ELP4: variants seen among roughly 807,000 people sequenced by gnomAD.
The protein encoded by ELP4 is elongator complex protein 4.
In ELP4, 51 loss-of-function variants were observed where a neutral mutation model predicts 48.9. The observed-to-expected ratio is 1.04, with a 90% confidence interval of 0.83 to 1.32. ELP4 has a LOEUF of 1.32. Among genes scored for constraint, ELP4 ranks in the 40% most tolerant of loss-of-function variants. The pLI, the probability that ELP4 is intolerant of heterozygous loss-of-function variation, is 0.00. For synonymous variants in ELP4, 210 were observed against 189.2 expected (o/e 1.11, Z -0.90); for missense variants, 519 against 514.6 (o/e 1.01, Z -0.08).
At chr11:31,719,063 A>T (rs1323362363) in intron 9 of ELP4, among the ~76,000 whole-genome samples, 1 of 152,116 alleles carries the variant, frequency 6.6e-6, no homozygotes, top group Non-Finnish European at 1.5e-5. Context: ...GTTTGAGACC[A>T]GCCTGGGCAA....
At chr11:31,530,251 C>A (rs1956371376) in intron 2 of ELP4, among the ~76,000 whole-genome samples, 2 of 152,130 alleles carry the variant, frequency 1.3e-5, no homozygotes, top group African/African-American at 4.8e-5. Flanking sequence ...ATGGAAGCAG[C>A]TCCGGATATC....
At chr11:31,729,681 C>T (rs1208162353) in intron 9 of ELP4, among the ~76,000 whole-genome samples, 3 of 152,122 alleles carry the variant, frequency 2.0e-5, no homozygotes, top group Non-Finnish European at 2.9e-5. Context: ...AACTGATTGC[C>T]ATCTTTATAC....
At chr11:31,545,850 A>G (rs539670881) in intron 3 of ELP4, among the ~76,000 whole-genome samples, 6 of 152,304 alleles carry the variant, frequency 3.9e-5, no homozygotes, top group African/African-American at 1.2e-4. Flanking sequence ...AAAGAAAAGA[A>G]TATTCAACCC....
chr11:31,612,705 ATAAG>A (rs1958004345), intron 5 of ELP4, among the ~76,000 whole-genome samples: 1 of 152,170 alleles, frequency 6.6e-6, no homozygotes, highest in African/African-American at 2.4e-5. Context: ...AGCTACTAAA[ATAAG>A]TAATATTGGG....
chr11:31,544,662 G>A (rs918736697), intron 3 of ELP4, among the ~76,000 whole-genome samples: 45 of 152,304 alleles, frequency 3.0e-4, no homozygotes, highest in Non-Finnish European at 4.7e-4. Context: ...TTCTCCCAGC[G>A]CGCAGCTGGA....
At chr11:31,656,479 A>G (rs1202162455) in intron 9 of ELP4, among the ~76,000 whole-genome samples, 1 of 152,058 alleles carries the variant, frequency 6.6e-6, no homozygotes, top group Non-Finnish European at 1.5e-5. Flanking sequence ...CAAATGAATC[A>G]TCTTTCTTTG....
At chr11:31,565,411 C>T (rs9705326) in intron 3 of ELP4, among the ~76,000 whole-genome samples, 85,434 of 138,894 alleles carry the variant, frequency 0.62, 27,782 homozygotes, top group African/African-American at 0.86. Flanking sequence ...GCTTTTGTTG[C>T]CATTGCTTTT....
In ELP4 at chr11:31,533,368, C is replaced by CTTTTTTTT. The variant is rs71060492; in HGVS notation, c.260-6274_260-6267dup. Among the ~76,000 whole-genome samples the CTTTTTTTT allele has an allele frequency of 9.5e-4, 48 of 50,474 alleles. 5 individuals carry two copies. Among genetic ancestry groups the CTTTTTTTT allele is most frequent in the African/African-American group, 2.0e-3 (24 of 11,898 alleles). The allele number at this position is 50,474 out of a possible 152,430, so 33.1% of individuals were successfully genotyped here. ...GTGTTGCTGCAAAAGCCATCTCATTCTTTTTTTTTTTTTTTTTTTTTTTTT... is the reference window on the plus strand; with the variant it reads ...GTGTTGCTGCAAAAGCCATCTCATTCTTTTTTTTTTTTTTTTTTTTTTTTTTTTTTTTT... On this transcript the variant is annotated intron_variant, in intron 2 of 9. Transcript: ENST00000640961.
At chr11:31,780,316 C>T (rs565219793) in intron 9 of ELP4, among the ~76,000 whole-genome samples, 2 of 152,128 alleles carry the variant, frequency 1.3e-5, no homozygotes, top group South Asian at 2.1e-4. Flanking sequence ...CGTTCTTCCT[C>T]GCTGTTTCAC....
chr11:31,773,140 A>G (rs570800652), intron 9 of ELP4, among the ~76,000 whole-genome samples: 6 of 152,346 alleles, frequency 3.9e-5, no homozygotes, highest in African/African-American at 1.4e-4. Context: ...AATTATAGGC[A>G]TTTGACCAGG....
In ELP4 at chr11:31,785,550, A is replaced by T. The variant is rs1948549761; in HGVS notation, c.*2026A>T. 1 of 192,888 alleles carries T rather than the reference A, an allele frequency of 5.2e-6. No individual in the cohort carries two copies. The highest frequency in any genetic ancestry group is 1.9e-4 in the South Asian group (1 of 5,166). 11.9% of individuals were successfully genotyped at this position (192,888 alleles called of 1,614,324 possible). On this transcript the variant is annotated 3_prime_UTR_variant, in exon 10 of 10. Transcript: ENST00000640961. The stretch of plus-strand genomic sequence containing the variant: ...TTTTAAATATAAAAGAAACTTTTCA[A>T]ACTCAGTAAAAGTGCATTTTGAATA...
intron 5 of ELP4, among the ~76,000 whole-genome samples, chr11:31,624,368 T>A (rs1297101116): frequency 3.3e-5 from 5 of 151,742 alleles, no homozygotes; most frequent in African/African-American, 1.2e-4. Context: ...GTTACTGGAC[T>A]GAATAGGCAA....
At position 31,553,725 on chromosome 11, in the gene ELP4, A is replaced by AACACACACACACACACACAC. The variant is rs56921821; in HGVS notation, c.381+13963_381+13982dup. On this transcript the variant is annotated intron_variant, in intron 3 of 9. Transcript: ENST00000640961. Reference sequence around the variant, plus strand: ...TACAATAAATCTCTTTGCACACACAAACACACACACACACACACACACACA... The same window carrying AACACACACACACACACACAC: ...TACAATAAATCTCTTTGCACACACAAACACACACACACACACACACACACACACACACACACACACACACA... Among the ~76,000 whole-genome samples, 84 of 140,496 alleles carry AACACACACACACACACACAC rather than the reference A, an allele frequency of 6.0e-4. 1 individual carries two copies. Among genetic ancestry groups the AACACACACACACACACACAC allele is most frequent in the African/African-American group, 2.1e-3 (78 of 37,528 alleles). 92.2% of individuals were successfully genotyped at this position (140,496 alleles called of 152,430 possible). A position where few individuals can be genotyped will look rare whatever the true frequency, so the allele number is the denominator to read the frequency against.
At chr11:31,657,673 A>G (rs1205035564) in intron 9 of ELP4, among the ~76,000 whole-genome samples, 1 of 151,894 alleles carries the variant, frequency 6.6e-6, no homozygotes. Flanking sequence ...CCTCACAGGA[A>G]CCCTTGCATA....
intron 9 of ELP4, among the ~76,000 whole-genome samples, chr11:31,782,404 TA>T (rs1209196552): frequency 6.6e-6 from 1 of 152,220 alleles, no homozygotes; most frequent in Non-Finnish European, 1.5e-5. Context: ...AGGCTGTGTG[TA>T]GTCATCAGTG....
In ELP4 at chr11:31,647,760, G is replaced by C. The variant is rs749842817; in HGVS notation, c.947G>C (p.Arg316Pro). Residue 316 changes from arginine (R) to proline (P), a missense_variant, in exon 8 of 10, where the codon CGT (arginine) becomes CCT (proline). Coordinates refer to ENST00000640961, the MANE Select transcript of ELP4 (RefSeq NM_019040.5). ...TTGCAGAATAAAGCCATTATTGCCC[G>C]TGTCACAACCTTGTCAGATGTAGTA... is the stretch of plus-strand genomic sequence containing the variant. Reference protein sequence around the residue: ...HLIQNKAIIARVTTLSDVVVG... With the variant: ...HLIQNKAIIAPVTTLSDVVVG... The C allele has an allele frequency of 1.2e-6, 2 of 1,607,760 alleles. No homozygotes were observed. The highest frequency in any genetic ancestry group is 1.7e-5 in the Admixed American group (1 of 59,726).
intron 5 of ELP4, among the ~76,000 whole-genome samples, chr11:31,618,412 G>C (rs559543311): frequency 1.3e-5 from 2 of 152,020 alleles, no homozygotes; most frequent in African/African-American, 4.8e-5. Context: ...CTTTCCAGAG[G>C]GGAGGAACCC....
At chr11:31,762,777 A>G (rs1000035909) in intron 9 of ELP4, among the ~76,000 whole-genome samples, 1 of 151,638 alleles carries the variant, frequency 6.6e-6, no homozygotes, top group Non-Finnish European at 1.5e-5. Flanking sequence ...GTCTTAAGAT[A>G]TATTTTTTAA....
chr11:31,739,248 G>A (rs1212509001), intron 9 of ELP4, among the ~76,000 whole-genome samples: 1 of 152,146 alleles, frequency 6.6e-6, no homozygotes, highest in African/African-American at 2.4e-5. Context: ...TTTCTGGAAA[G>A]TATACATGAC....
Sources: gnomAD v4.1 joint callset for allele counts (sites outside exome capture counted in the v4.1 genomes callset) on GRCh38, gnomAD v4.1.1 for gene constraint, MANE v1.5 for transcripts, NCBI Gene and HGNC (gene_info 2026-07-23, HGNC 2026-07-21) for gene names.